The following MUC12 variants were observed in gnomAD, a reference collection of about 807,000 sequenced individuals.
MUC12 encodes the protein mucin 12, cell surface associated, also known as mucin-12.
In MUC12, 172 loss-of-function variants were observed where a neutral mutation model predicts 230.8. That is an observed-to-expected ratio of 0.75 (90% CI 0.66 to 0.85). The LOEUF is 0.85. Ranked by LOEUF, MUC12 falls within the 40% of genes least tolerant of loss-of-function variation. The pLI, the probability that MUC12 is intolerant of heterozygous loss-of-function variation, is 0.00. For synonymous variants in MUC12, 1,259 were observed against 2,401.9 expected (o/e 0.52, Z 13.91); for missense variants, 3,506 against 5,920.6 (o/e 0.59, Z 13.38).
intron 1 of MUC12, among the ~76,000 whole-genome samples, chr7:100,971,410 G>A (rs1283603705): frequency 2.0e-5 from 3 of 152,358 alleles, no homozygotes; most frequent in South Asian, 2.1e-4. Flanking sequence ...GGGTGGTGAG[G>A]GGGCAGGGGA....
chr7:100,973,003 G>A, intron 1 of MUC12: 2 of 703,114 alleles, frequency 2.8e-6, no homozygotes, highest in Non-Finnish European at 5.2e-6. Context: ...GGCATCTGCT[G>A]GATGGAGCGT....
chr7:100,991,481 C>G lies in MUC12; in HGVS notation c.918C>G (p.His306Gln), dbSNP rs754521973. The change falls in exon 2 of 12, where the codon CAC becomes CAG. Residue 306 changes from histidine to glutamine, a missense_variant. His to Gln is a conservative substitution (Grantham distance 24). Coordinates refer to ENST00000536621, the MANE Select transcript of MUC12 (RefSeq NM_001164462.2). ...SAFVKLSTTYHSSPSSTPTTH... is the reference protein window; with the variant it reads ...SAFVKLSTTYQSSPSSTPTTH... ...TTGTTAAACTATCTACAACTTATCA[C>G]AGCAGCCCGAGCTCAACTCCAACAA... 1.3e-5 allele frequency: 20 copies of G among 1,537,474 alleles called. No homozygotes were observed. In the East Asian group the frequency reaches 1.7e-4, roughly 13 times the overall value.
chr7:100,991,535 G>C lies in MUC12; in HGVS notation c.972G>C (p.Leu324Phe), dbSNP rs79178035. 4 of 1,536,550 alleles carry C rather than the reference G, an allele frequency of 2.6e-6. No individual in the cohort carries two copies. In the South Asian group the frequency reaches 3.6e-5, roughly 14 times the overall value. Reference sequence around the variant, plus strand: ...ACTTTTCTGCCAGCTCCACAACCTTGGGCCATAGTGAGGAATCGACACCAG... The same window carrying C: ...ACTTTTCTGCCAGCTCCACAACCTTCGGCCATAGTGAGGAATCGACACCAG... ...TTHFSASSTT[L>F]GHSEESTPVH... The change falls in exon 2 of 12, where the codon TTG (leucine) becomes TTC (phenylalanine). Residue 324 changes from leucine to phenylalanine, a missense_variant. Leu to Phe is a conservative substitution (Grantham distance 22). Coordinates refer to ENST00000536621, the MANE Select transcript of MUC12 (RefSeq NM_001164462.2).
In MUC12 at chr7:100,969,754, C is replaced by T. The variant is rs1166779336; in HGVS notation, c.67+65C>T. On this transcript the variant is annotated intron_variant, in intron 1 of 11. Coordinates refer to ENST00000536621, the MANE Select transcript of MUC12 (RefSeq NM_001164462.2). ...TGGGTGGTAATAGTACATGCCCCTGCCTCAGGCAGCAGGGCTGCAGGTGGC... is the reference window on the plus strand; with the variant it reads ...TGGGTGGTAATAGTACATGCCCCTGTCTCAGGCAGCAGGGCTGCAGGTGGC... 7.8e-6 allele frequency: 12 copies of T among 1,531,954 alleles called. No individual in the cohort carries two copies. In the African/African-American group the frequency reaches 1.2e-4, roughly 16 times the overall value. The allele number at this position is 1,531,954 out of a possible 1,614,324, so 94.9% of individuals were successfully genotyped here.
intron 1 of MUC12, among the ~76,000 whole-genome samples, chr7:100,973,688 A>G (rs1293961770): frequency 6.6e-6 from 1 of 152,076 alleles, no homozygotes; most frequent in African/African-American, 2.4e-5. Context: ...GCCAATTTCT[A>G]TTGTTTAAGC....
Position 101,017,636 on chromosome 7 carries a change from C to T in MUC12, c.15939C>T (p.Thr5313=), listed in dbSNP as rs746859060. Residue 5313 remains threonine (T), a synonymous_variant, in exon 11 of 12, where the codon ACC becomes ACT. Transcript: ENST00000536621. Reference sequence around the variant, plus strand: ...ACGCCTACAACAACTTCCGGCCCACCCTGGAGACTGTTGACTCTGGCACAG... The same window carrying T: ...ACGCCTACAACAACTTCCGGCCCACTCTGGAGACTGTTGACTCTGGCACAG... ...LENAYNNFRP[T]LETVDSGTEL... The T allele has an allele frequency of 3.9e-6, 6 of 1,536,000 alleles. No homozygotes were observed. In the East Asian group the frequency reaches 7.3e-5, roughly 19 times the overall value.
chr7:100,991,909 C>T lies in MUC12; in HGVS notation c.1346C>T (p.Thr449Ile), dbSNP rs770586525. 1.6e-5 allele frequency: 24 copies of T among 1,537,148 alleles called. No homozygotes were observed. The highest frequency in any genetic ancestry group is 1.8e-5 in the Non-Finnish European group (21 of 1,146,888). Residue 449 changes from threonine (T) to isoleucine (I), a missense_variant, in exon 2 of 12, where the codon ACA (threonine) becomes ATA (isoleucine). Transcript: ENST00000536621. ...CACAGCAGCCCAGATGCAATGGCAA[C>T]AACAGTCTTACCTGCCGGCTCTACA... Reference protein sequence around the residue: ...ASHSSPDAMATTVLPAGSTPS... With the variant: ...ASHSSPDAMAITVLPAGSTPS...
rs375112411 is a variant in MUC12, at chr7:100,969,611, G to C, written c.-12G>C. 6.5e-7 allele frequency: 1 copy of C among 1,537,268 alleles called. No homozygotes were observed. The highest frequency in any genetic ancestry group is 2.4e-5 in the East Asian group (1 of 40,942). On this transcript the variant is annotated 5_prime_UTR_variant, in exon 1 of 12. Transcript: ENST00000536621. ...AGAGAAGATGGGCAGCCAGGGGCCC[G>C]TTCCCCGGGAGATGCTGGTGATCTG...
chr7:100,989,010 G>A (rs530738442), intron 1 of MUC12, among the ~76,000 whole-genome samples: 31 of 151,980 alleles, frequency 2.0e-4, no homozygotes, highest in African/African-American at 7.2e-4. Flanking sequence ...TGATTGTGAG[G>A]CCTCCCCAGA....
At chr7:100,983,766 G>A (rs572462026) in intron 1 of MUC12, among the ~76,000 whole-genome samples, 55 of 152,294 alleles carry the variant, frequency 3.6e-4, no homozygotes, top group African/African-American at 1.3e-3. Flanking sequence ...AGTCGTTATG[G>A]AGATAACCAT....
intron 6 of MUC12, 144 bp downstream of exon 6, chr7:101,012,591 C>G (rs1562794551): frequency 1.9e-6 from 2 of 1,077,096 alleles, no homozygotes; most frequent in East Asian, 2.6e-5. Context: ...GGTGCCTTCC[C>G]CAGATCCCAA....
In MUC12 at chr7:100,971,405, G is replaced by T. The variant is rs555737032; in HGVS notation, c.67+1716G>T. On this transcript the variant is annotated intron_variant, in intron 1 of 11. Transcript: ENST00000536621. Reference sequence around the variant, plus strand: ...GGCTGTGGGGTGGGCAGAAGGGGTGGTGAGGGGGCAGGGGAGCTGGGGTGG... The same window carrying T: ...GGCTGTGGGGTGGGCAGAAGGGGTGTTGAGGGGGCAGGGGAGCTGGGGTGG... Among the ~76,000 whole-genome samples the T allele has an allele frequency of 2.1e-4, 32 of 152,258 alleles. No individual in the cohort carries two copies. The East Asian group carries it at 5.6e-3, about 27-fold the overall frequency.
rs1406900429 is a variant in MUC12, at chr7:100,991,941, G to A, written c.1378G>A (p.Val460Ile). The A allele has an allele frequency of 6.5e-7, 1 of 1,537,850 alleles. No homozygotes were observed. The highest frequency in any genetic ancestry group is 1.4e-5 in the African/African-American group (1 of 73,116). Reference sequence around the variant, plus strand: ...CTTACCTGCCGGCTCTACACCCTCAGTTCTTGTTGGAGACTCGACGCCCTC... The same window carrying A: ...CTTACCTGCCGGCTCTACACCCTCAATTCTTGTTGGAGACTCGACGCCCTC... The part of the protein sequence containing the change: ...TVLPAGSTPS[V>I]LVGDSTPSPI... The change falls in exon 2 of 12, where the codon GTT (valine) becomes ATT (isoleucine). Residue 460 changes from valine (V) to isoleucine (I), a missense_variant. Coordinates refer to ENST00000536621, the MANE Select transcript of MUC12 (RefSeq NM_001164462.2).
Position 101,006,491 on chromosome 7 carries a change from AT to A in MUC12, c.14980del (p.Trp4994GlyfsTer26). 6.5e-7 allele frequency: 1 copy of A among 1,537,144 alleles called. No homozygotes were observed. The highest frequency in any genetic ancestry group is 8.7e-7 in the Non-Finnish European group (1 of 1,146,882). On this transcript the variant is annotated frameshift_variant, in exon 3 of 12. Coordinates refer to ENST00000536621, the MANE Select transcript of MUC12 (RefSeq NM_001164462.2). LOFTEE classifies it high-confidence loss of function. ...CACAGGGTTGTGCCAGGAAGGACAA[AT>A]TTGGAATGGAAAACAATGCGTCTGT... The part of the protein sequence containing the change: ...LAPGLCQEGQ[I>X]WNGKQCVCPQ...
chr7:100,985,020 C>A (rs2116285990), intron 1 of MUC12, among the ~76,000 whole-genome samples: 1 of 152,178 alleles, frequency 6.6e-6, no homozygotes, highest in East Asian at 1.9e-4. Flanking sequence ...GCACCCGCCA[C>A]CACGCCTGGC....
chr7:100,981,490 G>A, intron 1 of MUC12: 1 of 498,794 alleles, frequency 2.0e-6, no homozygotes, highest in Non-Finnish European at 3.6e-6. Context: ...AGGAGCCAGA[G>A]AGAAGGAGCG....
chr7:100,976,461 G>A (rs138032555), intron 1 of MUC12, among the ~76,000 whole-genome samples: 1,683 of 151,432 alleles, frequency 0.011, 36 homozygotes, highest in African/African-American at 0.038. Context: ...AAAATTAGCC[G>A]GGCATGGTGG....
chr7:100,982,375 TTCTCCTCTTTATTC>T (rs569999720), intron 1 of MUC12, among the ~76,000 whole-genome samples: 1 of 152,206 alleles, frequency 6.6e-6, no homozygotes, highest in Non-Finnish European at 1.5e-5. Flanking sequence ...AACCTTCCCT[TTCTCCTCTTTATTC>T]CTCTAGCCCT....
intron 5 of MUC12, among the ~76,000 whole-genome samples, chr7:101,010,617 T>C (rs1793827359): frequency 6.6e-6 from 1 of 151,948 alleles, no homozygotes; most frequent in Admixed American, 6.6e-5. Flanking sequence ...CAGGTTCAAG[T>C]GATTATCCTG....
Sources: allele counts gnomAD v4.1 joint callset (sites outside exome capture counted in the v4.1 genomes callset), GRCh38; gene constraint gnomAD v4.1.1; transcripts MANE v1.5; gene names NCBI Gene and HGNC (gene_info 2026-07-23, HGNC 2026-07-21).